The following HHLA1 variants were observed in gnomAD, a reference collection of about 807,000 sequenced individuals.
HHLA1 encodes HHLA1 neighbor of OC90.
Under a neutral mutation model 69.9 loss-of-function variants are expected in HHLA1, and 72 were observed. The observed-to-expected ratio is 1.03, with a 90% confidence interval of 0.85 to 1.25. HHLA1 has a LOEUF of 1.25. Ranked by LOEUF, HHLA1 falls within the 50% of genes most tolerant of loss-of-function variation. The pLI is 0.00. For missense variants in HHLA1, 685 were observed against 642.2 expected, an observed-to-expected ratio of 1.07 and a Z score of -0.72; for synonymous variants, 252 against 233.2, an observed-to-expected ratio of 1.08 and a Z score of -0.73.
chr8:132,077,832 C>T lies in HHLA1; in HGVS notation c.1065G>A (p.Pro355=), dbSNP rs760181885. ...GSLWETRSSP[P]TTAGTEEAMN... Reference sequence around the variant, plus strand: ...TGGCTTCCTCGGTCCCTGCAGTAGTCGGTGGGGAAGAACGAGTTTCCCAGA... The same window carrying T: ...TGGCTTCCTCGGTCCCTGCAGTAGTTGGTGGGGAAGAACGAGTTTCCCAGA... The change falls in exon 12 of 17, where the codon CCG becomes CCA. Residue 355 remains proline, a synonymous_variant. Coordinates refer to ENST00000414222, the MANE Select transcript of HHLA1 (RefSeq NM_001145095.3). 2.4e-5 allele frequency: 38 copies of T among 1,551,524 alleles called. 2 individuals carry two copies. Among genetic ancestry groups the T allele is most frequent in the Middle Eastern group, 3.3e-4 (2 of 5,992 alleles).
chr8:132,070,489 G>T, intron 15 of HHLA1: 2 of 651,722 alleles, frequency 3.1e-6, no homozygotes, highest in South Asian at 1.7e-5. Context: ...ATGATCCTCT[G>T]CCATAATTCT....
At position 132,071,960 on chromosome 8, in the gene HHLA1, G is replaced by A. The variant is rs555134632; in HGVS notation, c.1316-467C>T. On this transcript the variant is annotated intron_variant, in intron 14 of 16. Coordinates refer to ENST00000414222, the MANE Select transcript of HHLA1 (RefSeq NM_001145095.3). The stretch of plus-strand genomic sequence containing the variant: ...TGTGTGTATATGTATGTGCATGCAT[G>A]TGAGAGCATATGGATATGTGTTTGC... 2.8e-4 allele frequency among the ~76,000 whole-genome samples: 43 copies of A among 152,170 alleles called. 1 individual carries two copies. The highest frequency in any genetic ancestry group is 2.0e-3 in the Admixed American group (31 of 15,278).
intron 1 of HHLA1, among the ~76,000 whole-genome samples, chr8:132,105,969 C>T (rs1259603877): frequency 6.6e-6 from 1 of 152,186 alleles, no homozygotes; most frequent in South Asian, 2.1e-4. Flanking sequence ...GCAAAATCAC[C>T]ATGATAGTTA....
intron 14 of HHLA1, among the ~76,000 whole-genome samples, chr8:132,073,535 G>T (rs1229866086): frequency 6.6e-6 from 1 of 152,172 alleles, no homozygotes. Flanking sequence ...GACATCAGAA[G>T]TATACAGAAG....
intron 13 of HHLA1, 119 bp from the exon 14 acceptor site, chr8:132,076,248 A>T (rs1250405150): frequency 1.2e-6 from 1 of 843,508 alleles, no homozygotes; most frequent in Non-Finnish European, 1.9e-6. Context: ...TAGGAAAATG[A>T]TAGCCAAAAA....
intron 1 of HHLA1, among the ~76,000 whole-genome samples, chr8:132,109,468 G>A (rs146231253): frequency 6.6e-6 from 1 of 152,190 alleles, no homozygotes; most frequent in Non-Finnish European, 1.5e-5. Flanking sequence ...TCTAACTTTT[G>A]TTAGTTTAAT....
intron 8 of HHLA1, among the ~76,000 whole-genome samples, chr8:132,089,015 A>G (rs1463677419): frequency 6.6e-6 from 1 of 152,220 alleles, no homozygotes; most frequent in African/African-American, 2.4e-5. Context: ...GGACTGTTGA[A>G]TAGATCCTTG....
chr8:132,094,894 G>T (rs1188244128), intron 7 of HHLA1, among the ~76,000 whole-genome samples: 3 of 152,108 alleles, frequency 2.0e-5, no homozygotes, highest in Non-Finnish European at 2.9e-5. Flanking sequence ...TGCAAAAATT[G>T]TCACTTTTAT....
At chr8:132,071,839 G>A (rs1823550719) in intron 14 of HHLA1, among the ~76,000 whole-genome samples, 1 of 152,118 alleles carries the variant, frequency 6.6e-6, no homozygotes, top group East Asian at 1.9e-4. Context: ...TGATGTAAGG[G>A]GGTGACTTGC....
chr8:132,099,010 G>C (rs1051515881), intron 4 of HHLA1, 48 bp from the exon 5 acceptor site: 1 of 1,358,950 alleles, frequency 7.4e-7, no homozygotes, highest in African/African-American at 1.5e-5. Flanking sequence ...TTCTCGGCAA[G>C]AGAAAAAGTT....
chr8:132,066,498 G>T (rs1439549439), intron 15 of HHLA1, among the ~76,000 whole-genome samples: 18 of 152,214 alleles, frequency 1.2e-4, no homozygotes, highest in Admixed American at 1.2e-3. Context: ...GTCAGAGGTG[G>T]CAGGAGCTGC....
Position 132,087,684 on chromosome 8 carries a change from G to A in HHLA1, c.645C>T (p.Tyr215=), listed in dbSNP as rs1304720868. Residue 215 remains tyrosine, a synonymous_variant, in exon 10 of 17, where the codon TAC becomes TAT. Transcript: ENST00000414222. ...CACCAGACAAGCCGCTGGTAAATGT[G>A]TAATTGATAATGGGATATTTTTCTT... ...EIEEKYPIIN[Y]TFTSGLSGVL... is the part of the protein sequence containing the mutation. 4 of 1,551,396 alleles carry A rather than the reference G, an allele frequency of 2.6e-6. No homozygotes were observed. The highest frequency in any genetic ancestry group is 1.2e-5 in the South Asian group (1 of 84,068).
rs570804781 is a variant in HHLA1 at position 132,072,602 on chromosome 8, G to T, written c.1316-1109C>A. On this transcript the variant is annotated intron_variant, in intron 14 of 16. Coordinates refer to ENST00000414222, the MANE Select transcript of HHLA1 (RefSeq NM_001145095.3). ...ATATTACTAATAATCTTCCAACAAAGGTTCACTAATCACTACCAGGAAAAA... is the reference window on the plus strand; with the variant it reads ...ATATTACTAATAATCTTCCAACAAATGTTCACTAATCACTACCAGGAAAAA... Among the ~76,000 whole-genome samples, 2 of 151,882 alleles carry T rather than the reference G, an allele frequency of 1.3e-5. 1 individual carries two copies. Among genetic ancestry groups the T allele is most frequent in the South Asian group, 4.1e-4 (2 of 4,822 alleles).
At chr8:132,084,234 T>C (rs576085454) in intron 10 of HHLA1, among the ~76,000 whole-genome samples, 139 of 151,914 alleles carry the variant, frequency 9.1e-4, no homozygotes, top group African/African-American at 3.3e-3. Context: ...AAAAAGATTA[T>C]AGGGTGGAGG....
At chr8:132,106,002 T>C (rs1333861775) in intron 1 of HHLA1, among the ~76,000 whole-genome samples, 3 of 152,220 alleles carry the variant, frequency 2.0e-5, no homozygotes, top group Non-Finnish European at 2.9e-5. Context: ...TGAGACTAAA[T>C]TGAATAATGG....
intron 3 of HHLA1, among the ~76,000 whole-genome samples, chr8:132,100,917 A>G (rs1335210745): frequency 6.6e-6 from 1 of 152,316 alleles, no homozygotes; most frequent in East Asian, 1.9e-4. Flanking sequence ...TGTAACTACG[A>G]CTGTTGGAGT....
chr8:132,110,958 G>C (rs1824286098), intron 1 of HHLA1, 144 bp downstream of exon 1: 1 of 152,174 alleles, frequency 6.6e-6, no homozygotes, highest in South Asian at 2.1e-4. Flanking sequence ...GTAGATATTG[G>C]ATGATAGAAA....
intron 15 of HHLA1, among the ~76,000 whole-genome samples, chr8:132,069,295 T>C (rs1457340769): frequency 6.6e-6 from 1 of 152,244 alleles, no homozygotes; most frequent in Non-Finnish European, 1.5e-5. Context: ...TCAGGTCTGC[T>C]ACAGCACTTG....
intron 8 of HHLA1, among the ~76,000 whole-genome samples, chr8:132,088,506 C>T (rs1296454603): frequency 6.6e-6 from 1 of 152,162 alleles, no homozygotes; most frequent in Non-Finnish European, 1.5e-5. Flanking sequence ...CCTAAACATA[C>T]TTTTCCCTGA....
Sources: gnomAD v4.1 joint callset for allele counts (sites outside exome capture counted in the v4.1 genomes callset) on GRCh38, gnomAD v4.1.1 for gene constraint, MANE v1.5 for transcripts, NCBI Gene and HGNC (gene_info 2026-07-23, HGNC 2026-07-21) for gene names.